Variants in SLC25A51 observed in about 807,000 individuals in gnomAD.
SLC25A51 encodes the protein solute carrier family 25 member 51, also known as mitochondrial nicotinamide adenine dinucleotide transporter SLC25A51.
In SLC25A51, 11 loss-of-function variants were observed where a neutral mutation model predicts 19.1. The ratio of observed to expected loss-of-function variants is 0.58; its 90% confidence interval spans 0.36 to 0.96. The LOEUF (loss-of-function observed/expected upper bound fraction) is 0.96, where lower values mean the gene tolerates loss of function less well. SLC25A51 is among the 40% of genes least tolerant of loss of function. The pLI, the probability that SLC25A51 is intolerant of heterozygous loss-of-function variation, is 0.01. For synonymous variants in SLC25A51, 105 were observed against 133.6 expected, an observed-to-expected ratio of 0.79 and a Z score of 1.47; for missense variants, 201 against 365.4, an observed-to-expected ratio of 0.55 and a Z score of 3.67.
intron 2 of SLC25A51, among the ~76,000 whole-genome samples, chr9:37,890,123 G>C (rs977963506): frequency 3.3e-5 from 5 of 152,156 alleles, no homozygotes; most frequent in African/African-American, 1.2e-4. Context: ...GGTGGCTTAT[G>C]CCTGTAATCC....
chr9:37,880,826 G>A (rs943907496), intron 3 of SLC25A51: 3 of 152,198 alleles, frequency 2.0e-5, no homozygotes, highest in Non-Finnish European at 4.4e-5. Flanking sequence ...GTGCTCTGTA[G>A]CTATGCAGAG....
chr9:37,877,729 C>T (rs1831279720), downstream of SLC25A51, among the ~76,000 whole-genome samples: 1 of 152,090 alleles, frequency 6.6e-6, no homozygotes, highest in African/African-American at 2.4e-5. Context: ...GCAACAGGGC[C>T]AGGCATGGTG....
At position 37,888,596 on chromosome 9, in the gene SLC25A51, C is replaced by T. The variant is rs755560187; in HGVS notation, c.-42-4G>A. ...TTCATGAAGGACTTTTTTTAACCTACAAATAATAAATGACAACGGGTAAAC... is the reference window on the plus strand; with the variant it reads ...TTCATGAAGGACTTTTTTTAACCTATAAATAATAAATGACAACGGGTAAAC... On this transcript the variant is annotated splice_polypyrimidine_tract_variant and splice_region_variant and intron_variant, in intron 2 of 2. Transcript: ENST00000242275. The T allele has an allele frequency of 1.9e-6, 3 of 1,548,252 alleles. No individual in the cohort carries two copies. The highest frequency in any genetic ancestry group is 2.8e-5 in the African/African-American group (2 of 72,298).
At chr9:37,897,671 T>C (rs1203423343) in intron 2 of SLC25A51, among the ~76,000 whole-genome samples, 2 of 150,986 alleles carry the variant, frequency 1.3e-5, no homozygotes, top group East Asian at 1.9e-4. Context: ...TATAATTACA[T>C]ATATATATAA....
chr9:37,888,307 G>C lies in SLC25A51; in HGVS notation c.244C>G (p.Arg82Gly). 2 of 1,614,186 alleles carry C rather than the reference G, an allele frequency of 1.2e-6. No homozygotes were observed. Among genetic ancestry groups the C allele is most frequent in the Non-Finnish European group, 1.7e-6 (2 of 1,180,034 alleles). ...LRRDGFRNLY[R>G]GILPPLMQKT... ...TGCATCAATGGGGGAAGGATTCCAC[G>C]ATACAAATTTCGAAATCCATCCCTT... is the stretch of plus-strand genomic sequence containing the variant. Residue 82 changes from arginine (R) to glycine (G), a missense_variant, in exon 3 of 3, where the codon CGT becomes GGT. Arg to Gly is a moderately radical substitution (Grantham distance 125). Coordinates refer to ENST00000242275, the MANE Select transcript of SLC25A51 (RefSeq NM_033412.4).
intron 2 of SLC25A51, among the ~76,000 whole-genome samples, chr9:37,891,847 A>AT (rs1334882024): frequency 3.2e-4 from 34 of 105,366 alleles, no homozygotes; most frequent in African/African-American, 1.0e-3. Context: ...CCCAAGAATG[A>AT]TAAAAAAAAA....
exon 4 of SLC25A51, chr9:37,880,579 C>T (rs1299455345): frequency 6.6e-6 from 1 of 151,922 alleles, no homozygotes; most frequent in African/African-American, 2.4e-5. Flanking sequence ...GGAGAAACCC[C>T]ATCTCTACTA....
chr9:37,903,262 G>A (rs1831894696), intron 1 of SLC25A51, among the ~76,000 whole-genome samples: 2 of 152,246 alleles, frequency 1.3e-5, no homozygotes, highest in South Asian at 4.1e-4. Flanking sequence ...CATTTCAAGG[G>A]CTTCTGTTTC....
downstream of SLC25A51, among the ~76,000 whole-genome samples, chr9:37,887,333 G>T (rs1018239762): frequency 3.4e-5 from 5 of 147,524 alleles, no homozygotes; most frequent in African/African-American, 1.2e-4. Context: ...AAAAAAAAAA[G>T]TATAAGCCTA....
exon 3 of SLC25A51, chr9:37,881,556 T>C (rs1831350223): frequency 6.6e-6 from 1 of 152,180 alleles, no homozygotes; most frequent in Non-Finnish European, 1.5e-5. Context: ...GGCGGAAGGA[T>C]CGCTTGAGCC....
At chr9:37,895,268 C>G (rs1831692243) in intron 2 of SLC25A51, among the ~76,000 whole-genome samples, 1 of 151,840 alleles carries the variant, frequency 6.6e-6, no homozygotes. Flanking sequence ...GTGGCACAGT[C>G]ATGGTTTACT....
At chr9:37,898,251 A>C (rs972277848) in intron 2 of SLC25A51, among the ~76,000 whole-genome samples, 2 of 152,130 alleles carry the variant, frequency 1.3e-5, no homozygotes, top group African/African-American at 2.4e-5. Flanking sequence ...TCTGTACTAA[A>C]AATACAAAAA....
intron 1 of SLC25A51, among the ~76,000 whole-genome samples, chr9:37,900,279 T>A (rs184410568): frequency 9.9e-5 from 15 of 152,052 alleles, no homozygotes; most frequent in Non-Finnish European, 2.1e-4. Context: ...TGAAACCCCA[T>A]CTCTACGAAA....
At chr9:37,891,242 G>A (rs968399396) in intron 2 of SLC25A51, among the ~76,000 whole-genome samples, 2 of 151,898 alleles carry the variant, frequency 1.3e-5, no homozygotes, top group Admixed American at 6.6e-5. Flanking sequence ...GAGGTGGGGG[G>A]CAGCCCCCAC....
downstream of SLC25A51, chr9:37,885,702 A>ATG (rs1831439444): frequency 1.4e-6 from 2 of 1,389,968 alleles, no homozygotes; most frequent in South Asian, 2.3e-5. Flanking sequence ...GGAGATCCTG[A>ATG]TGTTTCTCAG....
At chr9:37,885,639 C>T, downstream of SLC25A51, 1 of 861,822 alleles carries the variant, frequency 1.2e-6, no homozygotes. Flanking sequence ...CAACGTGGGC[C>T]TCAGAGAAGA....
intron 2 of SLC25A51, among the ~76,000 whole-genome samples, chr9:37,894,011 T>C (rs1425108652): frequency 6.6e-6 from 1 of 152,114 alleles, no homozygotes; most frequent in Admixed American, 6.5e-5. Flanking sequence ...CACACACTAC[T>C]AAGTTTAAAA....
At position 37,881,065 on chromosome 9, in the gene SLC25A51, G is replaced by T. The variant is rs140097649; in HGVS notation, n.523-317C>A. On this transcript the variant is annotated intron_variant and non_coding_transcript_variant, in intron 3 of 3. Coordinates refer to the SLC25A51 transcript ENST00000496760. ...CTCCTTTACCTTGCTGTCCTTATCA[G>T]GCAACCTCAATGATCTCTAAAGCCA... Among the ~76,000 whole-genome samples the T allele has an allele frequency of 2.6e-3, 395 of 152,188 alleles. 3 individuals carry two copies. Among genetic ancestry groups the T allele is most frequent in the African/African-American group, 9.0e-3 (372 of 41,504 alleles).
At chr9:37,903,321 G>A (rs879597398) in intron 1 of SLC25A51, among the ~76,000 whole-genome samples, 1 of 152,190 alleles carries the variant, frequency 6.6e-6, no homozygotes, top group Non-Finnish European at 1.5e-5. Flanking sequence ...AGATCAGCTA[G>A]GTAGAGCTGT....
Sources: allele counts gnomAD v4.1 joint callset (sites outside exome capture counted in the v4.1 genomes callset), GRCh38; gene constraint gnomAD v4.1.1; transcripts MANE v1.5; gene names NCBI Gene and HGNC (gene_info 2026-07-23, HGNC 2026-07-21).